Variants in CTNND2 observed in about 807,000 individuals in gnomAD.
CTNND2 encodes catenin delta 2.
Under a neutral mutation model 144.4 loss-of-function variants are expected in CTNND2, and 22 were observed. The ratio of observed to expected loss-of-function variants is 0.15; its 90% CI spans 0.11 to 0.22. The LOEUF is 0.22. Among genes scored for constraint, CTNND2 ranks in the 10% least tolerant of loss-of-function variants. CTNND2 has a pLI of 1.00. For missense variants in CTNND2, 1,353 were observed against 1,618.8 expected (o/e 0.84, Z 2.82); for synonymous variants, 751 against 695.6 (o/e 1.08, Z -1.25).
At chr5:11,716,574 T>A (rs1786364281) in intron 2 of CTNND2, among the ~76,000 whole-genome samples, 1 of 152,366 alleles carries the variant, frequency 6.6e-6, no homozygotes, top group East Asian at 1.9e-4. Flanking sequence ...CTATACAATT[T>A]CTAACAGTTG....
intron 3 of CTNND2, among the ~76,000 whole-genome samples, chr5:11,440,292 C>T (rs909035025): frequency 6.6e-6 from 1 of 152,196 alleles, no homozygotes; most frequent in Non-Finnish European, 1.5e-5. Flanking sequence ...CCATGTTTCA[C>T]CTTATCTTAA....
chr5:11,272,056 C>T (rs901766526), intron 9 of CTNND2, among the ~76,000 whole-genome samples: 4 of 151,990 alleles, frequency 2.6e-5, no homozygotes, highest in South Asian at 2.1e-4. Flanking sequence ...TTTCCTTTTA[C>T]AAGTATAATT....
intron 1 of CTNND2, among the ~76,000 whole-genome samples, chr5:11,863,545 C>T (rs1439099441): frequency 6.6e-6 from 1 of 152,134 alleles, no homozygotes; most frequent in Non-Finnish European, 1.5e-5. Context: ...ATATGTGTTA[C>T]ATGGGCAAAC....
chr5:11,509,242 T>A (rs1771391594), intron 3 of CTNND2, among the ~76,000 whole-genome samples: 1 of 152,180 alleles, frequency 6.6e-6, no homozygotes, highest in East Asian at 1.9e-4. Flanking sequence ...AGTGAACAGA[T>A]TTGAGTTTTA....
At chr5:11,107,951 T>C (rs1182060368) in intron 14 of CTNND2, among the ~76,000 whole-genome samples, 1 of 152,128 alleles carries the variant, frequency 6.6e-6, no homozygotes, top group Non-Finnish European at 1.5e-5. Context: ...GGGCCAGGCA[T>C]TGGGCTAGAA....
intron 3 of CTNND2, among the ~76,000 whole-genome samples, chr5:11,453,065 C>T (rs1373682146): frequency 6.6e-6 from 1 of 152,194 alleles, no homozygotes; most frequent in Non-Finnish European, 1.5e-5. Flanking sequence ...CCATGTCACA[C>T]TTCAGGGAAC....
intron 12 of CTNND2, among the ~76,000 whole-genome samples, chr5:11,157,957 C>T (rs1226512463): frequency 1.3e-5 from 2 of 152,144 alleles, no homozygotes; most frequent in Non-Finnish European, 2.9e-5. Context: ...AAAGGGGACC[C>T]GTGAGCCTAC....
intron 2 of CTNND2, among the ~76,000 whole-genome samples, chr5:11,681,946 A>G (rs1784436106): frequency 6.6e-6 from 1 of 152,200 alleles, no homozygotes; most frequent in Non-Finnish European, 1.5e-5. Context: ...AGCTGTCTAC[A>G]CATGAGATGA....
At chr5:11,080,284 A>C (rs1749409067) in intron 16 of CTNND2, among the ~76,000 whole-genome samples, 1 of 152,246 alleles carries the variant, frequency 6.6e-6, no homozygotes, top group Admixed American at 6.5e-5. Flanking sequence ...CACACCTATC[A>C]GAACAGTAAT....
chr5:10,992,441 G>T, intron 19 of CTNND2, 110 bp downstream of exon 19: 2 of 1,463,712 alleles, frequency 1.4e-6, no homozygotes, highest in Non-Finnish European at 1.9e-6. Flanking sequence ...TCTAGCGAAG[G>T]TCTGAATGGA....
chr5:11,319,875 C>A (rs115698077), intron 9 of CTNND2, among the ~76,000 whole-genome samples: 178 of 152,218 alleles, frequency 1.2e-3, no homozygotes, highest in African/African-American at 3.9e-3. Flanking sequence ...TTTGGATTTT[C>A]TTCAGCTGAT....
intron 1 of CTNND2, among the ~76,000 whole-genome samples, chr5:11,768,191 A>G (rs1789705714): frequency 6.6e-6 from 1 of 152,162 alleles, no homozygotes; most frequent in Non-Finnish European, 1.5e-5. Flanking sequence ...TCACTGCACA[A>G]TATTAGGGCT....
At chr5:11,857,993 C>A (rs1320514274) in intron 1 of CTNND2, among the ~76,000 whole-genome samples, 13 of 152,200 alleles carry the variant, frequency 8.5e-5, no homozygotes. Context: ...TGTAGCTAAT[C>A]TGGTACTCCT....
At chr5:11,684,541 C>T (rs1013707159) in intron 2 of CTNND2, among the ~76,000 whole-genome samples, 3 of 152,082 alleles carry the variant, frequency 2.0e-5, no homozygotes, top group Non-Finnish European at 4.4e-5. Context: ...TGCAGATTTC[C>T]TTCTCCAAAC....
intron 1 of CTNND2, among the ~76,000 whole-genome samples, chr5:11,870,821 C>A (rs1176161254): frequency 1.3e-5 from 2 of 152,208 alleles, no homozygotes; most frequent in Non-Finnish European, 2.9e-5. Context: ...GTGCAGAGGA[C>A]AAACTTATTA....
chr5:11,184,950 A>C (rs746436303), intron 11 of CTNND2, among the ~76,000 whole-genome samples: 5 of 152,222 alleles, frequency 3.3e-5, no homozygotes, highest in Non-Finnish European at 7.3e-5. Context: ...ATGCAGAAGG[A>C]AGCTGCTTTG....
At chr5:11,500,499 C>G (rs1287107678) in intron 3 of CTNND2, among the ~76,000 whole-genome samples, 2 of 152,092 alleles carry the variant, frequency 1.3e-5, no homozygotes, top group Non-Finnish European at 2.9e-5. Flanking sequence ...TGACTTCTAG[C>G]CAATTTTGTG....
intron 3 of CTNND2, among the ~76,000 whole-genome samples, chr5:11,522,122 T>G (rs1772781866): frequency 6.6e-6 from 1 of 152,244 alleles, no homozygotes; most frequent in African/African-American, 2.4e-5. Flanking sequence ...TCATAAACAT[T>G]AAATAGGTAA....
chr5:11,902,640 C>T (rs777097960), intron 1 of CTNND2, among the ~76,000 whole-genome samples: 2 of 152,198 alleles, frequency 1.3e-5, no homozygotes, highest in African/African-American at 4.8e-5. Flanking sequence ...TGAAAATTTA[C>T]ACCTGTCAGG....
Sources: gnomAD v4.1 joint callset for allele counts (sites outside exome capture counted in the v4.1 genomes callset) on GRCh38, gnomAD v4.1.1 for gene constraint, MANE v1.5 for transcripts, NCBI Gene and HGNC (gene_info 2026-07-23, HGNC 2026-07-21) for gene names.